The following CYB5R4 variants were observed in gnomAD, a reference collection of about 807,000 sequenced individuals.
CYB5R4 encodes cytochrome b5 reductase 4.
CYB5R4 carries 55 observed loss-of-function variants against 70.2 expected under a neutral mutation model. The observed-to-expected ratio is 0.78, with a 90% CI of 0.63 to 0.98. The LOEUF is 0.98. Ranked by LOEUF, CYB5R4 falls within the 50% of genes least tolerant of loss-of-function variation. The pLI is 0.00. For synonymous variants in CYB5R4, 197 were observed against 199.5 expected, an observed-to-expected ratio of 0.99 and a Z score of 0.11; for missense variants, 562 against 612.6, an observed-to-expected ratio of 0.92 and a Z score of 0.87.
intron 4 of CYB5R4, 72 bp from the exon 5 acceptor site, chr6:83,914,344 G>C: frequency 7.0e-7 from 1 of 1,432,976 alleles, no homozygotes; most frequent in South Asian, 1.3e-5. Context: ...CTTGAAATCA[G>C]TAATGTGGAC....
In CYB5R4 at chr6:83,921,068, GCTTTCT is replaced by G. The variant is rs766722427; in HGVS notation, c.565-9_565-4del. The G allele has an allele frequency of 2.2e-5, 32 of 1,455,222 alleles. No homozygotes were observed. The highest frequency in any genetic ancestry group is 2.8e-5 in the Non-Finnish European group (30 of 1,085,696). The allele number at this position is 1,455,222 out of a possible 1,614,324, so 90.1% of individuals were successfully genotyped here. On this transcript the variant is annotated splice_region_variant and splice_polypyrimidine_tract_variant and intron_variant, in intron 7 of 15. Transcript: ENST00000369681. ...TTTACTTTCTAATCTTTCTATTTTT[GCTTTCT>G]CTTTAAGGATATCAATTTAGACTCA...
intron 3 of CYB5R4, among the ~76,000 whole-genome samples, chr6:83,899,137 G>T (rs1437872735): frequency 6.6e-6 from 1 of 151,998 alleles, no homozygotes; most frequent in Non-Finnish European, 1.5e-5. Flanking sequence ...GAGATATGTG[G>T]CATCAGTACC....
At chr6:83,933,606 TAAA>T (rs1357570661) in intron 10 of CYB5R4, among the ~76,000 whole-genome samples, 2 of 152,204 alleles carry the variant, frequency 1.3e-5, no homozygotes, top group Non-Finnish European at 2.9e-5. Context: ...AGAGAGGAAA[TAAA>T]AAGTTAATAT....
intron 3 of CYB5R4, among the ~76,000 whole-genome samples, chr6:83,905,517 G>C (rs912113070): frequency 6.6e-6 from 1 of 152,140 alleles, no homozygotes; most frequent in Non-Finnish European, 1.5e-5. Context: ...TGACTTCCTC[G>C]GTGTCTTAGG....
intron 7 of CYB5R4, among the ~76,000 whole-genome samples, chr6:83,920,767 T>C (rs886720020): frequency 2.6e-5 from 4 of 151,672 alleles, no homozygotes; most frequent in Non-Finnish European, 5.9e-5. Context: ...ATATGGCTTA[T>C]TCAAAAAATA....
At position 83,914,353 on chromosome 6, in the gene CYB5R4, A is replaced by G. The variant is rs532409570; in HGVS notation, c.413-63A>G. ...TGTTATCTTGAAATCAGTAATGTGG[A>G]CTGACATTCTCATTGACATTAAAGT... On this transcript the variant is annotated intron_variant, in intron 4 of 15. Coordinates refer to ENST00000369681, the MANE Select transcript of CYB5R4 (RefSeq NM_016230.4). The G allele has an allele frequency of 2.6e-4, 375 of 1,465,176 alleles. 3 individuals are homozygous for G. In the Middle Eastern group the frequency reaches 0.013, roughly 52 times the overall value. The allele number at this position is 1,465,176 out of a possible 1,614,324, so 90.8% of individuals were successfully genotyped here.
At chr6:83,876,999 T>G (rs2099458666) in intron 2 of CYB5R4, among the ~76,000 whole-genome samples, 1 of 152,082 alleles carries the variant, frequency 6.6e-6, no homozygotes, top group Non-Finnish European at 1.5e-5. Context: ...ACCTGGCTAA[T>G]TTTTTATATT....
intron 3 of CYB5R4, among the ~76,000 whole-genome samples, chr6:83,901,366 G>A (rs1268763574): frequency 2.0e-5 from 3 of 152,216 alleles, no homozygotes; most frequent in Middle Eastern, 3.4e-3. Flanking sequence ...TGGGTTACCC[G>A]ACCTTTCTCT....
At chr6:83,878,641 C>T (rs1355058766) in intron 2 of CYB5R4, among the ~76,000 whole-genome samples, 1 of 152,150 alleles carries the variant, frequency 6.6e-6, no homozygotes, top group African/African-American at 2.4e-5. Flanking sequence ...CCACCGCGCC[C>T]AGCCGTGTTT....
intron 2 of CYB5R4, among the ~76,000 whole-genome samples, chr6:83,881,361 G>T (rs997235968): frequency 6.6e-6 from 1 of 151,970 alleles, no homozygotes. Flanking sequence ...TTTTTATAGA[G>T]ATAGCGTCTT....
chr6:83,876,584 ATATAG>A (rs1478534964), intron 2 of CYB5R4, among the ~76,000 whole-genome samples: 2 of 151,338 alleles, frequency 1.3e-5, no homozygotes, highest in African/African-American at 2.4e-5. Flanking sequence ...ACTATTTCAC[ATATAG>A]TATAATAACC....
intron 2 of CYB5R4, among the ~76,000 whole-genome samples, chr6:83,878,884 G>A (rs1273139621): frequency 6.6e-6 from 1 of 152,060 alleles, no homozygotes; most frequent in East Asian, 1.9e-4. Flanking sequence ...TTAATTCAGG[G>A]CCTGCAATGC....
At position 83,859,735 on chromosome 6, in the gene CYB5R4, C is replaced by T. The variant is rs574595297; in HGVS notation, c.-48C>T. Reference sequence around the variant, plus strand: ...ACAGAGCCGGAGCTGGAGGTGCTGTCCCGTCTGGCGGCGATCCCCGGGCAG... The same window carrying T: ...ACAGAGCCGGAGCTGGAGGTGCTGTTCCGTCTGGCGGCGATCCCCGGGCAG... On this transcript the variant is annotated 5_prime_UTR_variant, in exon 1 of 16. Coordinates refer to ENST00000369681, the MANE Select transcript of CYB5R4 (RefSeq NM_016230.4). 1.3e-6 allele frequency: 2 copies of T among 1,598,374 alleles called. No individual in the cohort carries two copies. The highest frequency in any genetic ancestry group is 1.1e-5 in the South Asian group (1 of 90,036).
intron 14 of CYB5R4, among the ~76,000 whole-genome samples, chr6:83,941,793 T>G (rs895644224): frequency 1.3e-5 from 2 of 152,230 alleles, no homozygotes; most frequent in Non-Finnish European, 2.9e-5. Context: ...AGAGAATTAT[T>G]TAAAGAAGTT....
intron 14 of CYB5R4, among the ~76,000 whole-genome samples, chr6:83,942,787 T>C (rs1421659660): frequency 6.6e-6 from 1 of 151,798 alleles, no homozygotes; most frequent in Non-Finnish European, 1.5e-5. Context: ...GGGAGGGGCG[T>C]CCACCATTAC....
At chr6:83,913,094 T>C (rs1162199257) in intron 4 of CYB5R4, among the ~76,000 whole-genome samples, 2 of 152,194 alleles carry the variant, frequency 1.3e-5, no homozygotes, top group African/African-American at 4.8e-5. Flanking sequence ...ACTGTTGACC[T>C]TATTGTACAC....
chr6:83,879,590 C>T (rs34984119), intron 2 of CYB5R4, among the ~76,000 whole-genome samples: 6,481 of 152,162 alleles, frequency 0.043, 137 homozygotes, highest in Middle Eastern at 0.048. Context: ...AGCTCATTAA[C>T]ACCTTGTACT....
At chr6:83,914,161 A>T (rs112425149) in intron 4 of CYB5R4, among the ~76,000 whole-genome samples, 16 of 152,194 alleles carry the variant, frequency 1.1e-4, no homozygotes, top group Non-Finnish European at 5.9e-5. Context: ...GAAAAAAGTG[A>T]CCAAAGAATT....
intron 10 of CYB5R4, among the ~76,000 whole-genome samples, chr6:83,930,455 C>A (rs1309127139): frequency 6.6e-6 from 1 of 152,154 alleles, no homozygotes; most frequent in African/African-American, 2.4e-5. Flanking sequence ...GGAGTAGATT[C>A]CATCTCAAGA....
Sources: allele counts gnomAD v4.1 joint callset (sites outside exome capture counted in the v4.1 genomes callset), GRCh38; gene constraint gnomAD v4.1.1; transcripts MANE v1.5; gene names NCBI Gene and HGNC (gene_info 2026-07-23, HGNC 2026-07-21).